The following NUFIP1 variants were observed in gnomAD, a reference collection of about 807,000 sequenced individuals.
NUFIP1 encodes the protein nuclear FMR1 interacting protein 1, also known as FMR1-interacting protein NUFIP1.
NUFIP1 carries 38 observed loss-of-function variants against 56.2 expected under a neutral mutation model. That is an observed-to-expected ratio of 0.68 (90% CI 0.52 to 0.89). The LOEUF is 0.89. NUFIP1 is among the 40% of genes least tolerant of loss of function. The pLI is 0.00. For synonymous variants in NUFIP1, 215 were observed against 212.4 expected (o/e 1.01, Z -0.10); for missense variants, 567 against 605.8 (o/e 0.94, Z 0.67).
chr13:44,960,680 T>C (rs986553306), intron 6 of NUFIP1, among the ~76,000 whole-genome samples: 3 of 152,220 alleles, frequency 2.0e-5, no homozygotes, highest in East Asian at 1.9e-4. Context: ...CTCTGCTTTA[T>C]AGGCCTATCA....
At chr13:44,959,142 CCAGCAAATA>C (rs1871335910) in intron 7 of NUFIP1, among the ~76,000 whole-genome samples, 1 of 152,180 alleles carries the variant, frequency 6.6e-6, no homozygotes, top group South Asian at 2.1e-4. Flanking sequence ...TGAAAATTAT[CCAGCAAATA>C]CAGTCCTTCT....
rs574991185 is a variant in NUFIP1, at chr13:44,983,092, C to T, written c.413-938G>A. Among the ~76,000 whole-genome samples the T allele has an allele frequency of 2.4e-4, 37 of 152,276 alleles. No homozygotes were observed. The South Asian group carries it at 7.0e-3, about 29-fold the overall frequency. ...CTGATCTCACACTCCTGGGCTCAAC[C>T]GATCTGCCTGCCTCAGCCTCCAAAG... On this transcript the variant is annotated intron_variant, in intron 1 of 9. Transcript: ENST00000379161.
intron 2 of NUFIP1, among the ~76,000 whole-genome samples, chr13:44,981,123 T>C (rs1406943783): frequency 2.6e-5 from 4 of 152,216 alleles, no homozygotes; most frequent in Non-Finnish European, 5.9e-5. Context: ...ACAGAATATG[T>C]TGAAATGATC....
chr13:44,943,956 A>C (rs1870833078), intron 8 of NUFIP1, among the ~76,000 whole-genome samples: 1 of 152,198 alleles, frequency 6.6e-6, no homozygotes, highest in Admixed American at 6.5e-5. Flanking sequence ...GATCTATACA[A>C]AGGAAGGATA....
chr13:44,954,059 T>A (rs1055557167), intron 7 of NUFIP1, among the ~76,000 whole-genome samples: 6 of 148,966 alleles, frequency 4.0e-5, no homozygotes, highest in African/African-American at 1.5e-4. Context: ...ACCTAGTAGT[T>A]CTAATGCAGG....
chr13:44,954,262 T>C (rs894316258), intron 7 of NUFIP1, among the ~76,000 whole-genome samples: 4 of 152,142 alleles, frequency 2.6e-5, no homozygotes, highest in African/African-American at 7.2e-5. Context: ...CTCAAACAAT[T>C]TCTTTTACCA....
At chr13:44,975,932 T>C (rs1023934425) in intron 5 of NUFIP1, among the ~76,000 whole-genome samples, 2 of 152,226 alleles carry the variant, frequency 1.3e-5, no homozygotes, top group African/African-American at 4.8e-5. Flanking sequence ...CTTCAGACCT[T>C]CCTTATACCC....
intron 5 of NUFIP1, among the ~76,000 whole-genome samples, chr13:44,976,312 AAGG>A (rs914043472): frequency 6.6e-5 from 10 of 151,908 alleles, no homozygotes; most frequent in South Asian, 2.1e-4. Flanking sequence ...AAGGAGAAGA[AAGG>A]AGGAGGAGAA....
At chr13:44,981,549 C>T (rs529466716) in intron 2 of NUFIP1, among the ~76,000 whole-genome samples, 2 of 152,270 alleles carry the variant, frequency 1.3e-5, no homozygotes, top group South Asian at 4.1e-4. Flanking sequence ...TGGTGGCTCA[C>T]GCCTTAATCC....
chr13:44,986,089 G>A (rs1248892030), intron 1 of NUFIP1, among the ~76,000 whole-genome samples: 1 of 152,056 alleles, frequency 6.6e-6, no homozygotes, highest in African/African-American at 2.4e-5. Flanking sequence ...CTGAAGTGCT[G>A]GGATTACAGT....
intron 5 of NUFIP1, among the ~76,000 whole-genome samples, chr13:44,968,974 G>A (rs1871711114): frequency 6.6e-6 from 1 of 152,046 alleles, no homozygotes; most frequent in African/African-American, 2.4e-5. Flanking sequence ...TTCTCTTTCA[G>A]GCAGACTGCA....
At chr13:44,972,271 C>T (rs1014638899) in intron 5 of NUFIP1, among the ~76,000 whole-genome samples, 11 of 152,144 alleles carry the variant, frequency 7.2e-5, no homozygotes, top group Admixed American at 1.3e-4. Flanking sequence ...CAACTGAGAA[C>T]GGATAAACAA....
chr13:44,941,994 G>A (rs1173797594), intron 9 of NUFIP1, among the ~76,000 whole-genome samples: 1 of 150,582 alleles, frequency 6.6e-6, no homozygotes, highest in Non-Finnish European at 1.5e-5. Context: ...CATAACCTCC[G>A]CCTCCCGGGT....
At chr13:44,947,555 T>A (rs1457272425) in intron 8 of NUFIP1, among the ~76,000 whole-genome samples, 3 of 152,110 alleles carry the variant, frequency 2.0e-5, no homozygotes, top group East Asian at 1.9e-4. Flanking sequence ...ATCCTTTCTA[T>A]GCTTAAGGTT....
At chr13:44,958,437 TATC>T (rs1871316856) in intron 7 of NUFIP1, among the ~76,000 whole-genome samples, 1 of 152,194 alleles carries the variant, frequency 6.6e-6, no homozygotes, top group Non-Finnish European at 1.5e-5. Flanking sequence ...GATATTAATA[TATC>T]ATCATTAATG....
At chr13:44,969,823 C>G (rs1425203908) in intron 5 of NUFIP1, among the ~76,000 whole-genome samples, 2 of 152,150 alleles carry the variant, frequency 1.3e-5, no homozygotes, top group African/African-American at 2.4e-5. Flanking sequence ...AAATCACGAC[C>G]CATTTATTGG....
At chr13:44,963,152 T>C (rs1268618819) in intron 6 of NUFIP1, among the ~76,000 whole-genome samples, 1 of 152,178 alleles carries the variant, frequency 6.6e-6, no homozygotes, top group Non-Finnish European at 1.5e-5. Context: ...GGGGGAGAAT[T>C]AAGATAATTA....
intron 6 of NUFIP1, among the ~76,000 whole-genome samples, chr13:44,962,493 T>C (rs1871457412): frequency 1.3e-5 from 2 of 152,256 alleles, no homozygotes; most frequent in East Asian, 1.9e-4. Flanking sequence ...TATGCAATCA[T>C]GCACCACATA....
At chr13:44,986,583 T>C (rs567813086) in intron 1 of NUFIP1, among the ~76,000 whole-genome samples, 1 of 150,004 alleles carries the variant, frequency 6.7e-6, no homozygotes, top group African/African-American at 2.5e-5. Context: ...TCCCAGCTAC[T>C]AGGGAGGCTG....
Sources: allele counts gnomAD v4.1 joint callset (sites outside exome capture counted in the v4.1 genomes callset), GRCh38; gene constraint gnomAD v4.1.1; transcripts MANE v1.5; gene names NCBI Gene and HGNC (gene_info 2026-07-23, HGNC 2026-07-21).